MTHFD1L: variants seen among roughly 807,000 people sequenced by gnomAD.
MTHFD1L encodes the protein monofunctional C1-tetrahydrofolate synthase, mitochondrial.
A neutral mutation model predicts 119.5 loss-of-function variants in MTHFD1L; 81 were observed. That is an observed-to-expected ratio of 0.68 (90% CI 0.57 to 0.82). The LOEUF (loss-of-function observed/expected upper bound fraction) is 0.82. Among genes scored for constraint, MTHFD1L ranks in the 40% least tolerant of loss-of-function variants. The pLI is 0.00. For synonymous variants in MTHFD1L, 430 were observed against 475.2 expected (o/e 0.90, Z 1.24); for missense variants, 1,125 against 1,253.4 (o/e 0.90, Z 1.55).
chr6:151,077,156 AT>A (rs1345712295), intron 26 of MTHFD1L, among the ~76,000 whole-genome samples: 1 of 152,100 alleles, frequency 6.6e-6, no homozygotes, highest in East Asian at 1.9e-4. Flanking sequence ...TCCACCCAAA[AT>A]TTTCTCTCCT....
At chr6:151,071,837 A>ATTTTTTTTTTT (rs753092094) in intron 26 of MTHFD1L, among the ~76,000 whole-genome samples, 6 of 107,508 alleles carry the variant, frequency 5.6e-5, no homozygotes, top group South Asian at 3.5e-4. Context: ...GTAAGTACAG[A>ATTTTTTTTTTT]TTTTTTTTTT....
intron 26 of MTHFD1L, among the ~76,000 whole-genome samples, chr6:151,046,205 T>C (rs1198901393): frequency 3.3e-5 from 5 of 152,016 alleles, no homozygotes; most frequent in Admixed American, 1.3e-4. Flanking sequence ...CCAGGTACTA[T>C]ACCACTGAGT....
chr6:151,072,177 A>G (rs908117342), intron 26 of MTHFD1L, among the ~76,000 whole-genome samples: 1 of 66,686 alleles, frequency 1.5e-5, no homozygotes, highest in Non-Finnish European at 4.6e-5. Flanking sequence ...ACCTTTTTAT[A>G]CCAAAAAAAA....
intron 20 of MTHFD1L, among the ~76,000 whole-genome samples, chr6:150,990,592 C>T (rs910896216): frequency 1.3e-4 from 19 of 151,564 alleles, no homozygotes; most frequent in South Asian, 6.3e-4. Context: ...CCCGAGTAGC[C>T]GGGATTACAG....
intron 1 of MTHFD1L, among the ~76,000 whole-genome samples, chr6:150,871,854 T>A (rs34761718): frequency 0.13 from 18,865 of 150,130 alleles, 1,350 homozygotes; most frequent in African/African-American, 0.18. Flanking sequence ...ATTTTAATTT[T>A]ATTTTATTTT....
chr6:150,953,536 A>G (rs1795148945), intron 16 of MTHFD1L, among the ~76,000 whole-genome samples: 1 of 152,140 alleles, frequency 6.6e-6, no homozygotes, highest in Non-Finnish European at 1.5e-5. Context: ...CTTTAGTTCT[A>G]TCATTCAGAG....
intron 7 of MTHFD1L, among the ~76,000 whole-genome samples, chr6:150,892,804 A>G (rs542568815): frequency 6.2e-4 from 94 of 152,338 alleles, no homozygotes; most frequent in South Asian, 2.7e-3. Flanking sequence ...TATTTTTACA[A>G]GAAGAATGTA....
chr6:151,073,930 A>G (rs78877693), intron 26 of MTHFD1L, among the ~76,000 whole-genome samples: 1,707 of 152,336 alleles, frequency 0.011, 34 homozygotes, highest in African/African-American at 0.039. Context: ...AAACGTTTTC[A>G]AATTTGATAG....
At position 151,050,392 on chromosome 6, in the gene MTHFD1L, C is replaced by T. The variant is rs187890689; in HGVS notation, c.2847+13275C>T. ...GGCCAGGCTGGTCTTGAACTCCTGA[C>T]CTTAGGTGACCCGCCCGCCTTGGCC... On this transcript the variant is annotated intron_variant, in intron 26 of 27. Coordinates refer to ENST00000367321, the MANE Select transcript of MTHFD1L (RefSeq NM_015440.5). 3.2e-3 allele frequency among the ~76,000 whole-genome samples: 484 copies of T among 152,318 alleles called. 3 individuals are homozygous for T. The highest frequency in any genetic ancestry group is 1.0e-2 in the South Asian group (48 of 4,824).
chr6:151,091,102 C>T (rs1794380072), intron 26 of MTHFD1L, among the ~76,000 whole-genome samples: 2 of 140,724 alleles, frequency 1.4e-5, no homozygotes, highest in African/African-American at 2.8e-5. Context: ...TCGTTCCATG[C>T]GACTGGGTAC....
chr6:150,993,040 G>A (rs958078744), intron 20 of MTHFD1L, among the ~76,000 whole-genome samples: 12 of 152,152 alleles, frequency 7.9e-5, no homozygotes, highest in Non-Finnish European at 1.8e-4. Flanking sequence ...CAAAGATGCT[G>A]AATTGTAAAC....
At chr6:150,949,588 C>T (rs1363628083) in intron 16 of MTHFD1L, among the ~76,000 whole-genome samples, 1 of 152,114 alleles carries the variant, frequency 6.6e-6, no homozygotes, top group Non-Finnish European at 1.5e-5. Flanking sequence ...GATTTTCCTC[C>T]AAGTCTGATA....
chr6:151,001,325 A>G (rs1322449410), intron 20 of MTHFD1L, among the ~76,000 whole-genome samples: 1 of 152,246 alleles, frequency 6.6e-6, no homozygotes, highest in Non-Finnish European at 1.5e-5. Context: ...TTAATTTGCA[A>G]TTCTGGTGGC....
chr6:151,077,835 G>A (rs559037790), intron 26 of MTHFD1L, among the ~76,000 whole-genome samples: 22 of 151,904 alleles, frequency 1.4e-4, no homozygotes, highest in Non-Finnish European at 2.1e-4. Flanking sequence ...AGGCCGAGGC[G>A]GGCGGAGCAC....
intron 1 of MTHFD1L, among the ~76,000 whole-genome samples, chr6:150,867,815 T>G (rs79083182): frequency 1.3e-5 from 2 of 148,686 alleles, no homozygotes; most frequent in African/African-American, 5.0e-5. Flanking sequence ...TTTTTTTTTT[T>G]GAGACGGAGT....
intron 8 of MTHFD1L, among the ~76,000 whole-genome samples, chr6:150,916,826 G>A (rs1461441877): frequency 4.2e-5 from 5 of 119,484 alleles, no homozygotes; most frequent in Non-Finnish European, 8.1e-5. Flanking sequence ...GCAATGGCAC[G>A]ATCTCAGCTC....
chr6:150,890,302 T>TGTTG (rs1783024324), intron 7 of MTHFD1L, among the ~76,000 whole-genome samples: 1 of 151,992 alleles, frequency 6.6e-6, no homozygotes, highest in Non-Finnish European at 1.5e-5. Context: ...TTTGTTTGTT[T>TGTTG]AAGACAGAGG....
intron 26 of MTHFD1L, among the ~76,000 whole-genome samples, chr6:151,066,157 C>A (rs1003284943): frequency 7.9e-5 from 12 of 152,250 alleles, no homozygotes; most frequent in Non-Finnish European, 1.6e-4. Context: ...CCACAGGAGG[C>A]TGGGCGCGGT....
chr6:151,025,433 A>C (rs1263789805), intron 24 of MTHFD1L, among the ~76,000 whole-genome samples: 1 of 152,256 alleles, frequency 6.6e-6, no homozygotes, highest in African/African-American at 2.4e-5. Flanking sequence ...GTATAAATTA[A>C]TATCGACAGC....
Sources: allele counts gnomAD v4.1 joint callset (sites outside exome capture counted in the v4.1 genomes callset), GRCh38; gene constraint gnomAD v4.1.1; transcripts MANE v1.5; gene names NCBI Gene and HGNC (gene_info 2026-07-23, HGNC 2026-07-21).